The following SERPINB1 variants were observed in gnomAD, a reference collection of about 807,000 sequenced individuals.
SERPINB1 encodes the protein serpin family B member 1.
Under a neutral mutation model 25.9 loss-of-function variants are expected in SERPINB1, and 23 were observed. The observed-to-expected ratio is 0.89, with a 90% CI of 0.64 to 1.26. The LOEUF is 1.26. Among genes scored for constraint, SERPINB1 ranks in the 50% most tolerant of loss-of-function variants. The probability of loss-of-function intolerance (pLI) is 0.00; values close to 1 mark genes in which losing one functional copy is unlikely to be tolerated. For missense variants in SERPINB1, 399 were observed against 463.6 expected (o/e 0.86, Z 1.28); for synonymous variants, 178 against 178.7 (o/e 1.00, Z 0.03).
rs140598424 is a variant in SERPINB1, at chr6:2,835,921, C to G, written c.670G>C (p.Glu224Gln). 426 of 1,614,040 alleles carry G rather than the reference C, an allele frequency of 2.6e-4. 1 individual carries two copies. The highest frequency in any genetic ancestry group is 3.5e-4 in the Non-Finnish European group (413 of 1,180,032). ...AGCAGGATGACCATGCTGAGCTCCT[C>G]GCCTTGGTAAGGCAGTTCCAGCACA... Reference protein sequence around the residue: ...CRVLELPYQGEELSMVILLPD... With the variant: ...CRVLELPYQGQELSMVILLPD... The change falls in exon 6 of 7, where the codon GAG (glutamate) becomes CAG (glutamine). Residue 224 changes from glutamate to glutamine, a missense_variant. Physicochemically the swap from Glu to Gln is conservative, Grantham distance 29. Coordinates refer to ENST00000380739, the MANE Select transcript of SERPINB1 (RefSeq NM_030666.4).
Position 2,837,462 on chromosome 6 carries a change from G to A in SERPINB1, c.424+420C>T, listed in dbSNP as rs1766525446. Among the ~76,000 whole-genome samples the A allele has an allele frequency of 2.6e-5, 4 of 151,924 alleles. No homozygotes were observed. Among genetic ancestry groups the A allele is most frequent in the Middle Eastern group, 6.8e-3 (2 of 294 alleles). On this transcript the variant is annotated intron_variant, in intron 4 of 6. Transcript: ENST00000380739. This position sits in a 1 kb window ranked among gnomAD's most constrained non-coding sequence, Gnocchi z 4.3. Reference sequence around the variant, plus strand: ...CCTGGCTAAATTTTTTGTATTTTTAGTAGAGACAGGGTTTCATCATGTTGG... The same window carrying A: ...CCTGGCTAAATTTTTTGTATTTTTAATAGAGACAGGGTTTCATCATGTTGG...
chr6:2,833,723 G>A lies in SERPINB1; in HGVS notation c.1025C>T (p.Thr342Ile), dbSNP rs145153494. 1.2e-6 allele frequency: 2 copies of A among 1,614,208 alleles called. No individual in the cohort carries two copies. Among genetic ancestry groups the A allele is most frequent in the Admixed American group, 1.7e-5 (1 of 60,026 alleles). ...EAAAATAGIA[T>I]FCMLMPEENF... is the part of the protein sequence containing the mutation. ...TTCTTCGGGCATCAACATGCAGAAA[G>A]TTGCGATGCCTGCTGTGGCAGCTGC... Residue 342 changes from threonine to isoleucine, a missense_variant, in exon 7 of 7, where the codon ACT becomes ATT. Transcript: ENST00000380739.
Position 2,833,458 on chromosome 6 carries a change from C to A in SERPINB1, c.*150G>T. On this transcript the variant is annotated 3_prime_UTR_variant, in exon 7 of 7. Transcript: ENST00000380739. ...CCATGCCAAAATTCATGGGTGTAAA[C>A]AGCCAACAGAGCCAAACTTACAAAG... 2 of 755,290 alleles carry A rather than the reference C, an allele frequency of 2.6e-6. No homozygotes were observed. Among genetic ancestry groups the A allele is most frequent in the Non-Finnish European group, 4.0e-6 (2 of 501,888 alleles). The allele number at this position is 755,290 out of a possible 1,614,324, so 46.8% of individuals were successfully genotyped here.
chr6:2,835,976 T>C lies in SERPINB1; in HGVS notation c.615A>G (p.Ala205=). 6.2e-7 allele frequency: 1 copy of C among 1,614,196 alleles called. No homozygotes were observed. Among genetic ancestry groups the C allele is most frequent in the Non-Finnish European group, 8.5e-7 (1 of 1,180,036 alleles). ...VKMMYQKKKF[A]YGYIEDLKCR... ...ACTTAAGGTCCTCGATGTAGCCATA[T>C]GCAAATTTTTTCTTCTGATACATCA... Residue 205 remains alanine, a synonymous_variant, in exon 6 of 7, where the codon GCA becomes GCG. Coordinates refer to ENST00000380739, the MANE Select transcript of SERPINB1 (RefSeq NM_030666.4).
chr6:2,839,391 G>A (rs1561937934), intron 2 of SERPINB1: 1 of 984,984 alleles, frequency 1.0e-6, no homozygotes, highest in East Asian at 1.1e-4. Flanking sequence ...TGGAAATGGG[G>A]GAGGAGTCCT....
intron 6 of SERPINB1, 112 bp downstream of exon 6, chr6:2,835,744 A>G (rs1766469366): frequency 8.3e-7 from 1 of 1,210,552 alleles, no homozygotes; most frequent in Non-Finnish European, 1.2e-6. Flanking sequence ...TTTACAAAGG[A>G]ATGACAAACT....
Position 2,833,227 on chromosome 6 carries a change from T to C in SERPINB1, c.*381A>G, listed in dbSNP as rs1766389874. On this transcript the variant is annotated 3_prime_UTR_variant, in exon 7 of 7. Coordinates refer to ENST00000380739, the MANE Select transcript of SERPINB1 (RefSeq NM_030666.4). Reference sequence around the variant, plus strand: ...CCCTTCAACAGTCAGGGTGTCTGTCTATTTTGTGGCTTCCAAAATTCTAAC... The same window carrying C: ...CCCTTCAACAGTCAGGGTGTCTGTCCATTTTGTGGCTTCCAAAATTCTAAC... 4 of 163,878 alleles carry C rather than the reference T, an allele frequency of 2.4e-5. No individual in the cohort carries two copies. 10.2% of individuals were successfully genotyped at this position (163,878 alleles called of 1,614,324 possible).
intron 6 of SERPINB1, among the ~76,000 whole-genome samples, chr6:2,835,558 C>T (rs1387082480): frequency 2.0e-5 from 3 of 152,064 alleles, no homozygotes; most frequent in Non-Finnish European, 2.9e-5. Context: ...AAACGTTAGC[C>T]GGGCACAGTG....
rs368890802 is a variant in SERPINB1 at position 2,835,978 on chromosome 6, C to G, written c.613G>C (p.Ala205Pro). Residue 205 changes from alanine (A) to proline (P), a missense_variant, in exon 6 of 7, where the codon GCA (alanine) becomes CCA (proline). Ala to Pro is a conservative substitution (Grantham distance 27). Coordinates refer to ENST00000380739, the MANE Select transcript of SERPINB1 (RefSeq NM_030666.4). ...TTAAGGTCCTCGATGTAGCCATATG[C>G]AAATTTTTTCTTCTGATACATCATT... ...VKMMYQKKKF[A>P]YGYIEDLKCR... 104 of 1,614,028 alleles carry G rather than the reference C, an allele frequency of 6.4e-5. No individual in the cohort carries two copies. The highest frequency in any genetic ancestry group is 8.6e-5 in the Non-Finnish European group (102 of 1,180,048).
rs1168209143 is a variant in SERPINB1, at chr6:2,841,215, C to T, written c.-9+597G>A. The stretch of plus-strand genomic sequence containing the variant: ...TAGGATGTGCCAGTTTGGAAACCCA[C>T]CACAGTCCAGGGTCTGGCCGTGCAG... On this transcript the variant is annotated intron_variant, in intron 1 of 6. Transcript: ENST00000380739. The surrounding 1 kb of genome is among the most constrained non-coding windows in gnomAD (Gnocchi z 4.5). The T allele has an allele frequency of 2.0e-5, 3 of 152,270 alleles. No homozygotes were observed. Among genetic ancestry groups the T allele is most frequent in the Admixed American group, 2.0e-4 (3 of 15,272 alleles). The allele number at this position is 152,270 out of a possible 1,614,324, so 9.4% of individuals were successfully genotyped here.
In SERPINB1 at chr6:2,837,516, A is replaced by G. The variant is rs1427388200; in HGVS notation, c.424+366T>C. Among the ~76,000 whole-genome samples, 2 of 152,118 alleles carry G rather than the reference A, an allele frequency of 1.3e-5. No individual in the cohort carries two copies. Among genetic ancestry groups the G allele is most frequent in the Non-Finnish European group, 2.9e-5 (2 of 68,020 alleles). ...AGCTGGTCTTGAACTCCTGACCTCAAATGATCCGCCCGCCTTGGGCTCCCA... is the reference window on the plus strand; with the variant it reads ...AGCTGGTCTTGAACTCCTGACCTCAGATGATCCGCCCGCCTTGGGCTCCCA... On this transcript the variant is annotated intron_variant, in intron 4 of 6. Transcript: ENST00000380739. This position sits in a 1 kb window ranked among gnomAD's most constrained non-coding sequence, Gnocchi z 4.3.
intron 2 of SERPINB1, 145 bp from the exon 3 acceptor site, chr6:2,838,831 C>A: frequency 3.1e-6 from 2 of 649,650 alleles, no homozygotes; most frequent in Non-Finnish European, 4.5e-6. Context: ...ATTAATTTGT[C>A]ATTGCAGAAC....
In SERPINB1 at chr6:2,833,826, A is replaced by G. The variant is rs776695423; in HGVS notation, c.922T>C (p.Ser308Pro). ...GATATAAAAATATCTCTGGCTCCTG[A>G]CATGCCAGACAGATCAGCCTTGCTA... is the stretch of plus-strand genomic sequence containing the variant. ...NSSKADLSGMSGARDIFISKI... is the reference protein window; with the variant it reads ...NSSKADLSGMPGARDIFISKI... Residue 308 changes from serine to proline, a missense_variant, in exon 7 of 7, where the codon TCA (serine) becomes CCA (proline). Coordinates refer to ENST00000380739, the MANE Select transcript of SERPINB1 (RefSeq NM_030666.4). 3.7e-6 allele frequency: 6 copies of G among 1,614,172 alleles called. No homozygotes were observed. Among genetic ancestry groups the G allele is most frequent in the Non-Finnish European group, 5.1e-6 (6 of 1,180,022 alleles).
At chr6:2,836,759 A>G (rs1272419885) in intron 4 of SERPINB1, among the ~76,000 whole-genome samples, 1 of 150,748 alleles carries the variant, frequency 6.6e-6, no homozygotes, top group East Asian at 1.9e-4. Context: ...GGAGGTGGAG[A>G]TGAGAAGATT....
In SERPINB1 at chr6:2,837,501, G is replaced by C. The variant is rs1416183271; in HGVS notation, c.424+381C>G. Among the ~76,000 whole-genome samples, 1 of 152,080 alleles carries C rather than the reference G, an allele frequency of 6.6e-6. No homozygotes were observed. Among genetic ancestry groups the C allele is most frequent in the African/African-American group, 2.4e-5 (1 of 41,398 alleles). Reference sequence around the variant, plus strand: ...TCATCATGTTGGCCAAGCTGGTCTTGAACTCCTGACCTCAAATGATCCGCC... The same window carrying C: ...TCATCATGTTGGCCAAGCTGGTCTTCAACTCCTGACCTCAAATGATCCGCC... On this transcript the variant is annotated intron_variant, in intron 4 of 6. Transcript: ENST00000380739. This position sits in a 1 kb window ranked among gnomAD's most constrained non-coding sequence, Gnocchi z 4.3.
chr6:2,838,848 T>C (rs2113541178), intron 2 of SERPINB1, among the ~76,000 whole-genome samples, 162 bp from the exon 3 acceptor site: 1 of 152,314 alleles, frequency 6.6e-6, no homozygotes, highest in African/African-American at 2.4e-5. Context: ...GAACAAACAA[T>C]AGGAAATCCA....
rs368372293 is a variant in SERPINB1 at position 2,835,505 on chromosome 6, C to T, written c.735+351G>A. Among the ~76,000 whole-genome samples the T allele has an allele frequency of 2.0e-5, 3 of 152,136 alleles. No individual in the cohort carries two copies. In the East Asian group the frequency reaches 5.8e-4, roughly 29 times the overall value. On this transcript the variant is annotated intron_variant, in intron 6 of 6. Transcript: ENST00000380739. ...GTATAGATCTTTAATGACCCCATCA[C>T]AAGTGTCCACTGAAAGTAGCTGGCC...
rs76406190 is a variant in SERPINB1 at position 2,840,643 on chromosome 6, G to A, written c.-8-49C>T. 2.5e-3 allele frequency: 3,737 copies of A among 1,518,292 alleles called. 56 individuals are homozygous for A. In the African/African-American group the frequency reaches 0.041, roughly 17 times the overall value. 94.1% of individuals were successfully genotyped at this position (1,518,292 alleles called of 1,614,324 possible). A position where few individuals can be genotyped will look rare whatever the true frequency, so the allele number is the denominator to read the frequency against. On this transcript the variant is annotated intron_variant, in intron 1 of 6. Coordinates refer to ENST00000380739, the MANE Select transcript of SERPINB1 (RefSeq NM_030666.4). ...ATGGTGCCCACTGCCCACGCCAGCA[G>A]ATTAGGCAGCACTATTTCTCCAGAA...
At position 2,833,489 on chromosome 6, in the gene SERPINB1, G is replaced by T; in HGVS notation, c.*119C>A. On this transcript the variant is annotated 3_prime_UTR_variant, in exon 7 of 7. Transcript: ENST00000380739. ...ACAGAGCCAAACTTACAAAGAAAAT[G>T]AAAGACTTGTTTCTGAACAGTGGTT... The T allele has an allele frequency of 1.0e-6, 1 of 996,644 alleles. No individual in the cohort carries two copies. The highest frequency in any genetic ancestry group is 1.4e-6 in the Non-Finnish European group (1 of 715,256). 61.7% of individuals were successfully genotyped at this position (996,644 alleles called of 1,614,324 possible).
Sources: allele counts gnomAD v4.1 joint callset (sites outside exome capture counted in the v4.1 genomes callset), GRCh38; gene constraint gnomAD v4.1.1; non-coding constraint Gnocchi (gnomAD v3.1); transcripts MANE v1.5; gene names NCBI Gene and HGNC (gene_info 2026-07-23, HGNC 2026-07-21).